The following ST3GAL6 variants were observed in gnomAD, a reference collection of about 807,000 sequenced individuals.
ST3GAL6 encodes type 2 lactosamine alpha-2,3-sialyltransferase.
Under a neutral mutation model 40.5 loss-of-function variants are expected in ST3GAL6, and 31 were observed. That is an observed-to-expected ratio of 0.77 (90% CI 0.58 to 1.03). The LOEUF is 1.03. Ranked by LOEUF, ST3GAL6 falls within the 50% of genes least tolerant of loss-of-function variation. The pLI, the probability that ST3GAL6 is intolerant of heterozygous loss-of-function variation, is 0.00. For synonymous variants in ST3GAL6, 129 were observed against 136.9 expected (o/e 0.94, Z 0.40); for missense variants, 357 against 393.2 (o/e 0.91, Z 0.78).
At chr3:98,782,482 A>G (rs780183696) in intron 5 of ST3GAL6, 17 of 612,544 alleles carry the variant, frequency 2.8e-5, no homozygotes, top group Non-Finnish European at 4.9e-5. Flanking sequence ...AGGAAGTGTC[A>G]TCCATACAAG....
At chr3:98,776,426 G>T (rs1286716824) in intron 5 of ST3GAL6, among the ~76,000 whole-genome samples, 1 of 152,204 alleles carries the variant, frequency 6.6e-6, no homozygotes, top group Non-Finnish European at 1.5e-5. Flanking sequence ...CTCAGGCAGA[G>T]AATTTAGACT....
At chr3:98,770,785 C>A in intron 2 of ST3GAL6, 94 bp from the exon 3 acceptor site, 2 of 1,040,214 alleles carry the variant, frequency 1.9e-6, no homozygotes, top group East Asian at 2.4e-5. Context: ...CAGAACCTCT[C>A]AGTGGTGGCA....
intron 1 of ST3GAL6, among the ~76,000 whole-genome samples, chr3:98,751,713 T>C (rs1455538446): frequency 2.0e-5 from 3 of 152,214 alleles, no homozygotes; most frequent in African/African-American, 7.2e-5. Context: ...CATTTTATTA[T>C]TGATGAAAAA....
At chr3:98,743,873 G>A (rs1457635752) in intron 1 of ST3GAL6, among the ~76,000 whole-genome samples, 1 of 152,116 alleles carries the variant, frequency 6.6e-6, no homozygotes, top group Non-Finnish European at 1.5e-5. Context: ...ACCCCAACGA[G>A]GGTGTAATTG....
At chr3:98,793,112 A>G (rs184204741) in intron 9 of ST3GAL6, among the ~76,000 whole-genome samples, 56 of 152,266 alleles carry the variant, frequency 3.7e-4, no homozygotes, top group Admixed American at 1.6e-3. Flanking sequence ...TATTTCAAGA[A>G]TGAGGTACCC....
At chr3:98,752,646 T>C (rs937006055) in intron 1 of ST3GAL6, among the ~76,000 whole-genome samples, 78 of 152,060 alleles carry the variant, frequency 5.1e-4, no homozygotes, top group Admixed American at 3.3e-4. Flanking sequence ...TAATTTTTTG[T>C]ATTTTTAGTA....
intron 6 of ST3GAL6, among the ~76,000 whole-genome samples, chr3:98,786,177 TA>T (rs1940684813): frequency 6.6e-6 from 1 of 152,086 alleles, no homozygotes; most frequent in African/African-American, 2.4e-5. Flanking sequence ...GTGTGTGGCC[TA>T]TAAGCTGTAT....
intron 1 of ST3GAL6, among the ~76,000 whole-genome samples, chr3:98,756,864 A>G (rs1273871190): frequency 6.6e-6 from 1 of 152,212 alleles, no homozygotes; most frequent in East Asian, 1.9e-4. Context: ...TTAAAATTAG[A>G]ACATTATATG....
intron 1 of ST3GAL6, among the ~76,000 whole-genome samples, chr3:98,751,059 T>C (rs1936974765): frequency 7.1e-6 from 1 of 141,050 alleles, no homozygotes; most frequent in African/African-American, 2.6e-5. Context: ...TTTTTTTTTT[T>C]GAGATGGAGT....
At chr3:98,737,346 C>T (rs989969871) in intron 1 of ST3GAL6, among the ~76,000 whole-genome samples, 4 of 152,184 alleles carry the variant, frequency 2.6e-5, no homozygotes, top group Non-Finnish European at 2.9e-5. Context: ...CCACCACACG[C>T]GGCCCCTTCC....
At chr3:98,775,251 G>A (rs1312381873) in intron 5 of ST3GAL6, among the ~76,000 whole-genome samples, 1 of 152,130 alleles carries the variant, frequency 6.6e-6, no homozygotes, top group Admixed American at 6.5e-5. Context: ...AGCTGAGGCG[G>A]GCAGATCGTG....
At position 98,733,667 on chromosome 3, in the gene ST3GAL6, C is replaced by G. The variant is rs1935257005; in HGVS notation, c.-12+1135C>G. On this transcript the variant is annotated intron_variant, in intron 1 of 9. Coordinates refer to the ST3GAL6 transcript ENST00000265261. ...AAGCAACTTGTCATTTTGAGGCCGCCGGCTCCGGAGATCCCGGCAATCTCA... is the reference window on the plus strand; with the variant it reads ...AAGCAACTTGTCATTTTGAGGCCGCGGGCTCCGGAGATCCCGGCAATCTCA... 4.4e-6 allele frequency: 4 copies of G among 903,654 alleles called. No individual in the cohort carries two copies. In the South Asian group the frequency reaches 2.0e-4, roughly 46 times the overall value. The allele number at this position is 903,654 out of a possible 1,614,324, so 56.0% of individuals were successfully genotyped here. A position where few individuals can be genotyped will look rare whatever the true frequency, so the allele number is the denominator to read the frequency against.
chr3:98,769,592 G>T (rs150177099), intron 2 of ST3GAL6, among the ~76,000 whole-genome samples: 99 of 152,214 alleles, frequency 6.5e-4, no homozygotes, highest in African/African-American at 2.3e-3. Context: ...GATAAAGAAG[G>T]TGATGAAAAG....
At position 98,788,097 on chromosome 3, in the gene ST3GAL6, C is replaced by G. The variant is rs746257220; in HGVS notation, c.493C>G (p.Leu165Val). The G allele has an allele frequency of 6.8e-6, 11 of 1,613,982 alleles. No homozygotes were observed. The highest frequency in any genetic ancestry group is 9.3e-6 in the Non-Finnish European group (11 of 1,179,972). Residue 165 changes from leucine (L) to valine (V), a missense_variant, in exon 7 of 10, where the codon CTT becomes GTT. Physicochemically the swap from Leu to Val is conservative, Grantham distance 32. Transcript: ENST00000483910. ...AGTTGGGAGAAGGACAACCTTCCGA[C>G]TTTTTTATCCAGAATCTGTTTTTTC... Reference protein sequence around the residue: ...EEVGRRTTFRLFYPESVFSDP... With the variant: ...EEVGRRTTFRVFYPESVFSDP...
chr3:98,745,201 T>G (rs1936449119), intron 1 of ST3GAL6, among the ~76,000 whole-genome samples: 1 of 152,082 alleles, frequency 6.6e-6, no homozygotes, highest in African/African-American at 2.4e-5. Flanking sequence ...GCCTAGCTAA[T>G]TTTTGTATTT....
chr3:98,778,999 T>C (rs1286048654), intron 5 of ST3GAL6, among the ~76,000 whole-genome samples: 1 of 152,200 alleles, frequency 6.6e-6, no homozygotes, highest in African/African-American at 2.4e-5. Context: ...TTCATTCATA[T>C]AGTTATCTGA....
chr3:98,744,580 G>A (rs1271130266), intron 1 of ST3GAL6, among the ~76,000 whole-genome samples: 3 of 152,064 alleles, frequency 2.0e-5, no homozygotes, highest in Non-Finnish European at 2.9e-5. Context: ...CTTTGAGATT[G>A]AGCCAGTTTG....
intron 5 of ST3GAL6, among the ~76,000 whole-genome samples, 174 bp from the exon 6 acceptor site, chr3:98,784,771 C>A (rs929908332): frequency 3.3e-5 from 5 of 152,198 alleles, no homozygotes; most frequent in Non-Finnish European, 7.3e-5. Context: ...GAATGTTACT[C>A]ATTGAATCTT....
intron 5 of ST3GAL6, among the ~76,000 whole-genome samples, chr3:98,776,546 T>C (rs1417349169): frequency 6.6e-6 from 1 of 152,192 alleles, no homozygotes; most frequent in East Asian, 1.9e-4. Context: ...TCCTTCATCA[T>C]GGGTCTGTAG....
Sources: gnomAD v4.1 joint callset for allele counts (sites outside exome capture counted in the v4.1 genomes callset) on GRCh38, gnomAD v4.1.1 for gene constraint, MANE v1.5 for transcripts, NCBI Gene and HGNC (gene_info 2026-07-23, HGNC 2026-07-21) for gene names.